Variants in DPYD observed in about 807,000 individuals in gnomAD.
DPYD encodes the protein dihydropyrimidine dehydrogenase, also known as dihydropyrimidine dehydrogenase [NADP(+)].
A neutral mutation model predicts 116.2 loss-of-function variants in DPYD; 109 were observed. The ratio of observed to expected loss-of-function variants is 0.94; its 90% CI spans 0.80 to 1.10. DPYD has a LOEUF of 1.10. Among genes scored for constraint, DPYD ranks in the 50% least tolerant of loss-of-function variants. DPYD has a pLI of 0.00. For synonymous variants in DPYD, 440 were observed against 432.0 expected (o/e 1.02, Z -0.23); for missense variants, 1,302 against 1,254.5 (o/e 1.04, Z -0.57).
At chr1:97,819,204 T>C (rs189207249) in intron 3 of DPYD, among the ~76,000 whole-genome samples, 8 of 152,110 alleles carry the variant, frequency 5.3e-5, no homozygotes, top group Admixed American at 2.0e-4. Flanking sequence ...TCTCTGTGCA[T>C]AGAAGACAAG....
At chr1:97,240,216 A>G (rs1662237991) in intron 18 of DPYD, among the ~76,000 whole-genome samples, 1 of 151,114 alleles carries the variant, frequency 6.6e-6, no homozygotes, top group Non-Finnish European at 1.5e-5. Context: ...AAAGCCTCAA[A>G]AGGCTGACAT....
At chr1:97,889,159 A>G (rs1672651458) in intron 1 of DPYD, among the ~76,000 whole-genome samples, 1 of 152,136 alleles carries the variant, frequency 6.6e-6, no homozygotes, top group South Asian at 2.1e-4. Context: ...CTCTGTCTCA[A>G]AATAAATAGA....
intron 18 of DPYD, among the ~76,000 whole-genome samples, chr1:97,294,734 C>A (rs934224542): frequency 6.6e-6 from 1 of 152,144 alleles, no homozygotes; most frequent in African/African-American, 2.4e-5. Context: ...TTGATGGCAG[C>A]TACATTTCTA....
intron 13 of DPYD, among the ~76,000 whole-genome samples, chr1:97,491,939 A>T (rs1201584721): frequency 6.6e-6 from 1 of 152,134 alleles, no homozygotes; most frequent in African/African-American, 2.4e-5. Flanking sequence ...TAAATGTTAC[A>T]GGGCTTATTA....
intron 8 of DPYD, among the ~76,000 whole-genome samples, chr1:97,625,885 G>C (rs1656899247): frequency 1.3e-5 from 2 of 151,996 alleles, no homozygotes; most frequent in Admixed American, 1.3e-4. Context: ...TTGAAGCTTT[G>C]CAACCTTATA....
intron 1 of DPYD, among the ~76,000 whole-genome samples, chr1:97,910,511 C>T (rs113242203): frequency 6.6e-6 from 1 of 152,022 alleles, no homozygotes; most frequent in African/African-American, 2.4e-5. Context: ...TTCAACCACA[C>T]AACAATCCTG....
Position 97,762,673 on chromosome 1 carries a change from C to A in DPYD, c.234-22194G>T, listed in dbSNP as rs1665640780. Among the ~76,000 whole-genome samples, 4 of 152,078 alleles carry A rather than the reference C, an allele frequency of 2.6e-5. No individual in the cohort carries two copies. In the South Asian group the frequency reaches 6.2e-4, roughly 24 times the overall value. ...CCTGTCTTCATCCTTTCTTTCCAAT[C>A]TACTTAGCAGAGAACTTCAGTATTT... On this transcript the variant is annotated intron_variant, in intron 3 of 22. Transcript: ENST00000370192.
At chr1:97,382,360 A>C (rs749351682) in intron 15 of DPYD, 33 bp downstream of exon 15, 1 of 1,362,612 alleles carries the variant, frequency 7.3e-7, no homozygotes, top group East Asian at 2.5e-5. Context: ...GGAGAGAAGA[A>C]ATAAAATAAA....
At chr1:97,102,505 C>T (rs1320723163) in intron 20 of DPYD, among the ~76,000 whole-genome samples, 4 of 9,800 alleles carry the variant, frequency 4.1e-4, no homozygotes, top group Admixed American at 1.9e-3. Flanking sequence ...CTCCTTTATA[C>T]CTATTTCGTG....
intron 16 of DPYD, among the ~76,000 whole-genome samples, chr1:97,350,250 CAT>C (rs1350763422): frequency 2.0e-5 from 3 of 152,082 alleles, no homozygotes; most frequent in Non-Finnish European, 4.4e-5. Flanking sequence ...TAAGGAGGAA[CAT>C]ATTAAATACT....
intron 20 of DPYD, among the ~76,000 whole-genome samples, chr1:97,123,107 GT>G (rs1652574679): frequency 6.6e-6 from 1 of 152,074 alleles, no homozygotes; most frequent in Non-Finnish European, 1.5e-5. Context: ...ATTTATTTCA[GT>G]TTTAAAGGAA....
At chr1:97,713,955 A>G (rs1216487355) in intron 5 of DPYD, among the ~76,000 whole-genome samples, 1 of 152,214 alleles carries the variant, frequency 6.6e-6, no homozygotes, top group East Asian at 1.9e-4. Flanking sequence ...CTATTTATAA[A>G]TGACCTGCAA....
intron 2 of DPYD, among the ~76,000 whole-genome samples, chr1:97,880,298 G>A (rs1037735826): frequency 2.6e-5 from 4 of 151,568 alleles, no homozygotes; most frequent in East Asian, 1.9e-4. Flanking sequence ...AAACTTTTTC[G>A]TATCTCATCA....
At chr1:97,513,879 C>T (rs559982931) in intron 13 of DPYD, among the ~76,000 whole-genome samples, 2 of 151,822 alleles carry the variant, frequency 1.3e-5, no homozygotes, top group South Asian at 4.1e-4. Context: ...GACTACTCTG[C>T]AAAATCACGT....
intron 8 of DPYD, among the ~76,000 whole-genome samples, chr1:97,620,226 T>C (rs191636740): frequency 6.6e-6 from 1 of 152,076 alleles, no homozygotes; most frequent in Non-Finnish European, 1.5e-5. Flanking sequence ...TTAAAAAAAA[T>C]TTTTTTGAGA....
chr1:97,404,949 C>CT (rs558689579), intron 14 of DPYD, among the ~76,000 whole-genome samples: 178 of 136,230 alleles, frequency 1.3e-3, no homozygotes, highest in East Asian at 7.2e-3. Flanking sequence ...ATCACTTGTA[C>CT]TTTTTTTTTT....
intron 8 of DPYD, among the ~76,000 whole-genome samples, chr1:97,644,794 T>C (rs1228477561): frequency 1.3e-5 from 2 of 151,962 alleles, no homozygotes; most frequent in Non-Finnish European, 2.9e-5. Flanking sequence ...ATTTCACACA[T>C]ACATTCTGGA....
intron 11 of DPYD, among the ~76,000 whole-genome samples, chr1:97,553,580 GTA>G (rs2102101412): frequency 6.6e-6 from 1 of 152,216 alleles, no homozygotes; most frequent in African/African-American, 2.4e-5. Context: ...AATGAAAAAT[GTA>G]TATTTACATC....
chr1:97,264,184 T>C (rs917799370), intron 18 of DPYD, among the ~76,000 whole-genome samples: 2 of 114,968 alleles, frequency 1.7e-5, no homozygotes, highest in Non-Finnish European at 3.4e-5. Flanking sequence ...TTTTTTTTTT[T>C]TTTTTTTTTG....
Sources: gnomAD v4.1 joint callset for allele counts (sites outside exome capture counted in the v4.1 genomes callset) on GRCh38, gnomAD v4.1.1 for gene constraint, MANE v1.5 for transcripts, NCBI Gene and HGNC (gene_info 2026-07-23, HGNC 2026-07-21) for gene names.